SPTBN4: variants seen among roughly 807,000 people sequenced by gnomAD.
The protein encoded by SPTBN4 is spectrin beta, non-erythrocytic 4, also known as spectrin beta chain, non-erythrocytic 4.
In SPTBN4, 96 loss-of-function variants were observed where a neutral mutation model predicts 277.8. The ratio of observed to expected loss-of-function variants is 0.35; its 90% CI spans 0.29 to 0.41. SPTBN4 has a LOEUF of 0.41. Among genes scored for constraint, SPTBN4 ranks in the 10% least tolerant of loss-of-function variants. The pLI, the probability that SPTBN4 is intolerant of heterozygous loss-of-function variation, is 1.00. For missense variants in SPTBN4, 3,006 were observed against 3,595.7 expected (o/e 0.84, Z 4.19); for synonymous variants, 1,481 against 1,580.3 (o/e 0.94, Z 1.49).
chr19:40,527,826 C>T (rs910924024), intron 17 of SPTBN4, among the ~76,000 whole-genome samples: 6 of 152,054 alleles, frequency 3.9e-5, no homozygotes, highest in African/African-American at 1.4e-4. Flanking sequence ...GAGGCCAAGG[C>T]GGGTGGATCA....
intron 30 of SPTBN4, 58 bp downstream of exon 30, chr19:40,566,417 T>C: frequency 7.3e-7 from 1 of 1,377,556 alleles, no homozygotes; most frequent in African/African-American, 1.5e-5. Flanking sequence ...CCCACACCCA[T>C]GGCTCTATAT....
intron 2 of SPTBN4, among the ~76,000 whole-genome samples, chr19:40,473,980 AAAAAT>A (rs973281004): frequency 4.1e-5 from 6 of 145,942 alleles, no homozygotes; most frequent in African/African-American, 1.5e-4. Context: ...TGTCTCTACT[AAAAAT>A]AAAAATAAAA....
chr19:40,571,767 A>C (rs1432198525), intron 33 of SPTBN4: 1 of 381,572 alleles, frequency 2.6e-6, no homozygotes, highest in East Asian at 4.0e-5. Flanking sequence ...ACCTTCAGGA[A>C]ATTCAGTATG....
In SPTBN4 at chr19:40,472,721, C is replaced by T. The variant is rs372051643; in HGVS notation, c.100C>T (p.Arg34Trp). 1.6e-5 allele frequency: 26 copies of T among 1,608,710 alleles called. No homozygotes were observed. Among genetic ancestry groups the T allele is most frequent in the Middle Eastern group, 1.7e-4 (1 of 6,042 alleles). Reference sequence around the variant, plus strand: ...GGAGAGTCCGGATCGGGGCTGGGAGCGGGAGCAGCCGGCTGCGTCCACCGC... The same window carrying T: ...GGAGAGTCCGGATCGGGGCTGGGAGTGGGAGCAGCCGGCTGCGTCCACCGC... ...RWESPDRGWE[R>W]EQPAASTAAA... The change falls in exon 2 of 36, where the codon CGG (arginine) becomes TGG (tryptophan). Residue 34 changes from arginine (R) to tryptophan (W), a missense_variant. Arg to Trp is a moderately radical substitution (Grantham distance 101). Around this residue, in one of 5 missense-constraint regions of SPTBN4, gnomAD observed 78 missense variants for 65.7 expected, o/e 1.19. Transcript: ENST00000598249.
chr19:40,470,622 T>TTTCTTC (rs369871143), intron 1 of SPTBN4, among the ~76,000 whole-genome samples: 1 of 149,764 alleles, frequency 6.7e-6, no homozygotes, highest in Non-Finnish European at 1.5e-5. Context: ...ACTTTAAATT[T>TTTCTTC]TTCTTCTTCT....
intron 12 of SPTBN4, 60 bp downstream of exon 12, chr19:40,504,192 G>A (rs955955616): frequency 1.1e-5 from 16 of 1,518,648 alleles, no homozygotes; most frequent in East Asian, 6.8e-5. Flanking sequence ...GGATGCAGAC[G>A]CTGAAAGAGT....
chr19:40,549,103 C>T, intron 20 of SPTBN4, 86 bp from the exon 21 acceptor site: 2 of 1,163,592 alleles, frequency 1.7e-6, no homozygotes, highest in East Asian at 2.7e-5. Flanking sequence ...GGTGAGGGGT[C>T]TGGCTGTCAC....
Position 40,565,702 on chromosome 19 carries a change from G to C in SPTBN4, c.6096G>C (p.Glu2032Asp). The C allele has an allele frequency of 6.4e-7, 1 of 1,554,524 alleles. No homozygotes were observed. Among genetic ancestry groups the C allele is most frequent in the Non-Finnish European group, 8.7e-7 (1 of 1,148,612 alleles). The change falls in exon 29 of 36, where the codon GAG (glutamate) becomes GAC (aspartate). Residue 2032 changes from glutamate to aspartate, a missense_variant. Transcript: ENST00000598249. ...QLDKLGTRKE[E>D]VSEKWDRHWE... ...ACAAGCTGGGAACCAGGAAGGAGGA[G>C]GTGTCGGAAAAGTGGGACCGCCATT...
rs571187797 is a variant in SPTBN4, at chr19:40,514,084, G to A, written c.2765+530G>A. Among the ~76,000 whole-genome samples, 18 of 152,260 alleles carry A rather than the reference G, an allele frequency of 1.2e-4. No homozygotes were observed. The East Asian group carries it at 3.3e-3, about 28-fold the overall frequency. On this transcript the variant is annotated intron_variant, in intron 14 of 35. Transcript: ENST00000598249. The stretch of plus-strand genomic sequence containing the variant: ...CCCATGACATATTGTATACTGACTT[G>A]TCTGTTGGCTGACTTAGCAATGAGT...
rs2079831516 is a variant in SPTBN4 at position 40,467,049 on chromosome 19, T to C, written c.-272T>C. Reference sequence around the variant, plus strand: ...GTGCACCCCACGCCGCGGCCGGGTGTGACTGCGCGTGGGCCTCGGGCGGCG... The same window carrying C: ...GTGCACCCCACGCCGCGGCCGGGTGCGACTGCGCGTGGGCCTCGGGCGGCG... On this transcript the variant is annotated 5_prime_UTR_variant, in exon 1 of 36. Coordinates refer to ENST00000598249, the MANE Select transcript of SPTBN4 (RefSeq NM_020971.3). 4.0e-5 allele frequency among the ~76,000 whole-genome samples: 6 copies of C among 150,940 alleles called. No individual in the cohort carries two copies. The South Asian group carries it at 1.2e-3, about 31-fold the overall frequency.
intron 33 of SPTBN4, chr19:40,571,180 G>C (rs1395013575): frequency 6.2e-6 from 1 of 160,674 alleles, no homozygotes; most frequent in Non-Finnish European, 1.4e-5. Flanking sequence ...AGTTGAGAAG[G>C]TTTCAATGGC....
chr19:40,550,151 G>A (rs939214482), intron 21 of SPTBN4, 87 bp from the exon 22 acceptor site: 9 of 1,097,846 alleles, frequency 8.2e-6, no homozygotes, highest in Non-Finnish European at 1.1e-5. Context: ...GAAGGGCCTG[G>A]GATGCCGTGC....
chr19:40,539,088 C>T (rs1331222802), intron 20 of SPTBN4, among the ~76,000 whole-genome samples: 2 of 151,756 alleles, frequency 1.3e-5, no homozygotes, highest in East Asian at 1.9e-4. Context: ...CCATCCACCT[C>T]GGCCTCCCAA....
intron 2 of SPTBN4, among the ~76,000 whole-genome samples, chr19:40,480,827 C>T (rs2145812299): frequency 6.6e-6 from 1 of 152,186 alleles, no homozygotes; most frequent in South Asian, 2.1e-4. Flanking sequence ...CTTTGGGAGG[C>T]CAAGGCAGGC....
rs1400801182 is a variant in SPTBN4 at position 40,550,289 on chromosome 19, G to A, written c.4636G>A (p.Gly1546Ser). ...GGCCATGCAGACAGAGCGAGGCAAC[G>A]GTTTGCAGGCGGTCCAGCAGCACAT... is the stretch of plus-strand genomic sequence containing the variant. ...PLAMQTERGNGLQAVQQHIKK... is the reference protein window; with the variant it reads ...PLAMQTERGNSLQAVQQHIKK... Residue 1546 changes from glycine (G) to serine (S), a missense_variant, in exon 22 of 36, where the codon GGT becomes AGT. By Grantham distance (56) the Gly-to-Ser change is moderately conservative (BLOSUM62 0). Around this residue, in one of 5 missense-constraint regions of SPTBN4, gnomAD observed 1,759 missense variants for 2,061.5 expected, o/e 0.85. Coordinates refer to ENST00000598249, the MANE Select transcript of SPTBN4 (RefSeq NM_020971.3). The A allele has an allele frequency of 6.8e-6, 11 of 1,612,410 alleles. No individual in the cohort carries two copies. The highest frequency in any genetic ancestry group is 1.7e-5 in the Admixed American group (1 of 59,988).
At position 40,557,409 on chromosome 19, in the gene SPTBN4, G is replaced by C. The variant is rs2080994082; in HGVS notation, c.5670+6G>C. ...TGCAGCTCCTCGTGTCCCAGGTGGG[G>C]CGCCGGTGGCCATCAGGGCAGGTGG... On this transcript the variant is annotated splice_donor_region_variant and intron_variant, in intron 26 of 35. Transcript: ENST00000598249. The C allele has an allele frequency of 3.2e-6, 5 of 1,547,778 alleles. No homozygotes were observed. Among genetic ancestry groups the C allele is most frequent in the Non-Finnish European group, 4.4e-6 (5 of 1,144,222 alleles).
chr19:40,473,240 G>A (rs1044105187), intron 2 of SPTBN4, among the ~76,000 whole-genome samples: 1 of 151,840 alleles, frequency 6.6e-6, no homozygotes, highest in Admixed American at 6.6e-5. Context: ...AGTAGACACC[G>A]GGTTTCACTG....
chr19:40,567,744 C>T lies in SPTBN4; in HGVS notation c.6418C>T (p.Leu2140=). The change falls in exon 31 of 36, where the codon CTG becomes TTG. Residue 2140 remains leucine, a synonymous_variant. Transcript: ENST00000598249. ...CAAGTTCTTTGGGGACCCCACGGAA[C>T]TGGCGGCCAAGGCGGCGCCCCTGCT... The part of the protein sequence containing the change: ...GRKFFGDPTE[L]AAKAAPLLRP... 1.9e-6 allele frequency: 3 copies of T among 1,552,990 alleles called. No homozygotes were observed. Among genetic ancestry groups the T allele is most frequent in the Non-Finnish European group, 2.6e-6 (3 of 1,150,150 alleles).
chr19:40,553,821 A>G (rs2145929779), intron 22 of SPTBN4, among the ~76,000 whole-genome samples: 1 of 152,238 alleles, frequency 6.6e-6, no homozygotes. Context: ...ATTAGGGCCC[A>G]TCTTGGGTCG....
Sources: allele counts gnomAD v4.1 joint callset (sites outside exome capture counted in the v4.1 genomes callset), GRCh38; gene constraint gnomAD v4.1.1; regional missense constraint gnomAD v4.1.1; transcripts MANE v1.5; gene names NCBI Gene and HGNC (gene_info 2026-07-23, HGNC 2026-07-21).